FARP2: variants seen among roughly 807,000 people sequenced by gnomAD.
The protein encoded by FARP2 is FERM, ARHGEF and pleckstrin domain-containing protein 2.
FARP2 carries 111 observed loss-of-function variants against 130.5 expected under a neutral mutation model. The observed-to-expected ratio is 0.85, with a 90% CI of 0.73 to 1.00. The LOEUF (loss-of-function observed/expected upper bound fraction) is 1.00, where lower values mean the gene tolerates loss of function less well. Ranked by LOEUF, FARP2 falls within the 50% of genes least tolerant of loss-of-function variation. The pLI, the probability that FARP2 is intolerant of heterozygous loss-of-function variation, is 0.00. For synonymous variants in FARP2, 504 were observed against 516.9 expected (o/e 0.98, Z 0.34); for missense variants, 1,385 against 1,346.3 (o/e 1.03, Z -0.45).
At chr2:241,476,302 G>A (rs1036739249) in intron 19 of FARP2, among the ~76,000 whole-genome samples, 2 of 151,724 alleles carry the variant, frequency 1.3e-5, no homozygotes, top group Admixed American at 6.6e-5. Flanking sequence ...TGGGAGGATC[G>A]CTTGAGCCAA....
In FARP2 at chr2:241,431,953, C is replaced by G. The variant is rs183389579; in HGVS notation, c.867+179C>G. Among the ~76,000 whole-genome samples, 653 of 152,240 alleles carry G rather than the reference C, an allele frequency of 4.3e-3. 3 individuals are homozygous for G. The highest frequency in any genetic ancestry group is 0.014 in the Middle Eastern group (4 of 294). On this transcript the variant is annotated intron_variant, in intron 9 of 26. Coordinates refer to ENST00000264042, the MANE Select transcript of FARP2 (RefSeq NM_014808.4). ...TCTCCTGCCTCAGCCTCCCAAGTAG[C>G]TGGGATTACAGGCATGCGCCACCAC...
At chr2:241,432,980 G>A (rs987764059) in intron 9 of FARP2, among the ~76,000 whole-genome samples, 5 of 152,152 alleles carry the variant, frequency 3.3e-5, no homozygotes, top group South Asian at 2.1e-4. Flanking sequence ...CTGGGTTCAC[G>A]TGCTTTGTGT....
intron 19 of FARP2, among the ~76,000 whole-genome samples, chr2:241,480,911 T>C (rs1427696924): frequency 6.6e-6 from 1 of 152,114 alleles, no homozygotes; most frequent in Non-Finnish European, 1.5e-5. Context: ...CTGTCTGCCA[T>C]GTAACCCTTG....
At chr2:241,388,248 A>G (rs1000613117) in intron 2 of FARP2, among the ~76,000 whole-genome samples, 5 of 152,280 alleles carry the variant, frequency 3.3e-5, no homozygotes, top group Non-Finnish European at 5.9e-5. Context: ...TCAATGAAAT[A>G]GACTTGAGAA....
At chr2:241,452,113 G>T (rs1005133044) in intron 13 of FARP2, among the ~76,000 whole-genome samples, 6 of 152,218 alleles carry the variant, frequency 3.9e-5, no homozygotes, top group Admixed American at 6.5e-5. Context: ...CTAAGACAGA[G>T]GAGCACTACG....
intron 11 of FARP2, among the ~76,000 whole-genome samples, chr2:241,435,327 A>G (rs1213373311): frequency 2.0e-5 from 3 of 151,122 alleles, no homozygotes; most frequent in Non-Finnish European, 2.9e-5. Context: ...GCTGGTCTCA[A>G]ACATGTGGGC....
At chr2:241,470,324 A>G (rs2064274668) in intron 18 of FARP2, among the ~76,000 whole-genome samples, 1 of 152,150 alleles carries the variant, frequency 6.6e-6, no homozygotes, top group Non-Finnish European at 1.5e-5. Context: ...TGCTCTGCCT[A>G]CTGCTGTGGG....
chr2:241,491,201 C>A, intron 23 of FARP2, 22 bp downstream of exon 23: 1 of 1,545,176 alleles, frequency 6.5e-7, no homozygotes, highest in Non-Finnish European at 8.9e-7. Flanking sequence ...CCACAACCCC[C>A]CAGGAGACCT....
intron 6 of FARP2, among the ~76,000 whole-genome samples, chr2:241,412,255 A>C (rs1158815664): frequency 6.6e-6 from 1 of 152,202 alleles, no homozygotes; most frequent in Non-Finnish European, 1.5e-5. Context: ...CACTATTACA[A>C]GAACAGCACG....
At chr2:241,382,936 G>T (rs2061695930) in intron 2 of FARP2, among the ~76,000 whole-genome samples, 1 of 152,186 alleles carries the variant, frequency 6.6e-6, no homozygotes, top group Admixed American at 6.5e-5. Context: ...AATAACTTAA[G>T]AGTTGGGAAG....
rs775042492 is a variant in FARP2, at chr2:241,494,066, C to T, written c.3106C>T (p.Gln1036Ter). The change falls in exon 27 of 27, where the codon CAG becomes TAG. Residue 1036 changes from glutamine (Q) to a stop codon, truncating the protein, a stop_gained. Coordinates refer to ENST00000264042, the MANE Select transcript of FARP2 (RefSeq NM_014808.4). LOFTEE classifies it low-confidence loss of function (END_TRUNC). The surrounding 1 kb of genome is among the most constrained non-coding windows in gnomAD (Gnocchi z 4.9). ...AGCCGGGAGGGCCCCAAGCATCGTG[C>T]AGGATGGCCCCCAACCCTCCTCAGG... ...SSAGRAPSIV[Q>*]DGPQPSSGLE... The T allele has an allele frequency of 1.9e-5, 28 of 1,438,896 alleles. No individual in the cohort carries two copies. The highest frequency in any genetic ancestry group is 2.5e-5 in the Non-Finnish European group (27 of 1,098,164). 89.1% of individuals were successfully genotyped at this position (1,438,896 alleles called of 1,614,324 possible).
chr2:241,433,683 T>C (rs2063147370), intron 9 of FARP2, among the ~76,000 whole-genome samples: 1 of 152,196 alleles, frequency 6.6e-6, no homozygotes, highest in African/African-American at 2.4e-5. Flanking sequence ...GTCTATCTTT[T>C]CTTAATTAAG....
At chr2:241,462,711 A>T in intron 15 of FARP2, 99 bp downstream of exon 15, 1 of 801,168 alleles carries the variant, frequency 1.2e-6, no homozygotes, top group Admixed American at 2.3e-5. Flanking sequence ...TTTTTTTGAG[A>T]TGGAGCCTCA....
At position 241,411,144 on chromosome 2, in the gene FARP2, C is replaced by T. The variant is rs777893887; in HGVS notation, c.508+14C>T. On this transcript the variant is annotated intron_variant, in intron 6 of 26. Transcript: ENST00000264042. The stretch of plus-strand genomic sequence containing the variant: ...ATCTCCTGCAGTGTGAGTATCTCCC[C>T]GCCAGCGGGGAGCATTCACTGACCA... 1.9e-5 allele frequency: 30 copies of T among 1,576,038 alleles called. No homozygotes were observed. The Middle Eastern group carries it at 6.8e-4, about 36-fold the overall frequency.
chr2:241,407,652 G>T, intron 5 of FARP2, 37 bp downstream of exon 5: 2 of 1,507,542 alleles, frequency 1.3e-6, no homozygotes, highest in South Asian at 1.1e-5. Context: ...TTGTCAGCAG[G>T]AATCTTGTAT....
intron 19 of FARP2, chr2:241,478,457 A>C (rs1574901760): frequency 3.7e-6 from 1 of 268,764 alleles, no homozygotes; most frequent in Admixed American, 4.7e-5. Flanking sequence ...CATTGGTGGC[A>C]CCTACTTTCT....
At chr2:241,374,639 A>G (rs965785323) in intron 2 of FARP2, among the ~76,000 whole-genome samples, 4 of 152,176 alleles carry the variant, frequency 2.6e-5, no homozygotes, top group African/African-American at 9.7e-5. Context: ...GCTCTGAGCA[A>G]GGTGGTCTCT....
intron 18 of FARP2, among the ~76,000 whole-genome samples, chr2:241,470,210 T>G (rs2064272305): frequency 6.6e-6 from 1 of 152,264 alleles, no homozygotes; most frequent in Admixed American, 6.5e-5. Flanking sequence ...TTGTTGGGGC[T>G]GGCAGAAGCC....
intron 13 of FARP2, chr2:241,443,280 G>A (rs2063435403): frequency 6.5e-6 from 1 of 154,040 alleles, no homozygotes; most frequent in Admixed American, 6.5e-5. Flanking sequence ...GTGTCAAAGG[G>A]CCACTGCCTC....
Sources: gnomAD v4.1 joint callset for allele counts (sites outside exome capture counted in the v4.1 genomes callset) on GRCh38, gnomAD v4.1.1 for gene constraint, Gnocchi (gnomAD v3.1) non-coding constraint, MANE v1.5 for transcripts, NCBI Gene and HGNC (gene_info 2026-07-23, HGNC 2026-07-21) for gene names.